RBM27: variants seen among roughly 807,000 people sequenced by gnomAD.
RBM27 encodes the protein RNA-binding protein 27.
Under a neutral mutation model 135.3 loss-of-function variants are expected in RBM27, and 22 were observed. The ratio of observed to expected loss-of-function variants is 0.16; its 90% CI spans 0.12 to 0.23. The LOEUF (loss-of-function observed/expected upper bound fraction) is 0.23. RBM27 is among the 10% of genes least tolerant of loss of function. The pLI is 1.00. For synonymous variants in RBM27, 481 were observed against 442.4 expected (o/e 1.09, Z -1.10); for missense variants, 1,009 against 1,281.0 (o/e 0.79, Z 3.24).
chr5:146,208,160 T>C (rs1755782935), intron 1 of RBM27, among the ~76,000 whole-genome samples: 1 of 151,864 alleles, frequency 6.6e-6, no homozygotes, highest in Non-Finnish European at 1.5e-5. Flanking sequence ...TTTCACCACG[T>C]TGGTCAGGCT....
intron 8 of RBM27, among the ~76,000 whole-genome samples, chr5:146,238,439 C>T (rs550621696): frequency 6.6e-6 from 1 of 152,188 alleles, no homozygotes; most frequent in East Asian, 1.9e-4. Flanking sequence ...ACCTGGGAGG[C>T]GGAGGTTGCA....
chr5:146,267,174 T>C (rs956137488), intron 14 of RBM27, among the ~76,000 whole-genome samples: 2 of 152,198 alleles, frequency 1.3e-5, no homozygotes, highest in African/African-American at 4.8e-5. Context: ...AGTTAGATGA[T>C]TTAGAAGGAT....
intron 17 of RBM27, among the ~76,000 whole-genome samples, chr5:146,270,609 T>C (rs2939524): frequency 0.99 from 150,956 of 152,288 alleles, 74,837 homozygotes; most frequent in East Asian, 1. Flanking sequence ...TTACTTTGTA[T>C]TATAAATACA....
At chr5:146,274,289 A>G (rs1343205160) in intron 19 of RBM27, among the ~76,000 whole-genome samples, 2 of 138,930 alleles carry the variant, frequency 1.4e-5, no homozygotes, top group East Asian at 2.1e-4. Flanking sequence ...GACAGTCTCC[A>G]TCTGTCACCC....
At chr5:146,256,775 A>G (rs145322675) in intron 10 of RBM27, among the ~76,000 whole-genome samples, 11 of 152,328 alleles carry the variant, frequency 7.2e-5, no homozygotes, top group Non-Finnish European at 1.3e-4. Context: ...TGGCAGAACT[A>G]GAATTCAGAG....
rs1178583149 is a variant in RBM27 at position 146,267,765 on chromosome 5, A to C, written c.2448A>C (p.Lys816Asn). 3.1e-6 allele frequency: 5 copies of C among 1,601,652 alleles called. No homozygotes were observed. The highest frequency in any genetic ancestry group is 4.2e-6 in the Non-Finnish European group (5 of 1,176,618). ...SHDVQEVLKK[K>N]QEAMKLQQDM... ...ATGTTCAAGAAGTGCTTAAAAAAAA[A>C]CAGGTAACAGTCTTGATTCTTCTTG... The change falls in exon 15 of 21, where the codon AAA becomes AAC. Residue 816 changes from lysine to asparagine, a missense_variant. Physicochemically the swap from Lys to Asn is moderately conservative, Grantham distance 94. Around this residue, in one of 6 missense-constraint regions of RBM27, gnomAD observed 355 missense variants for 427.3 expected, o/e 0.83. Transcript: ENST00000265271.
In RBM27 at chr5:146,289,208, A is replaced by T. The variant is rs1349149359; in HGVS notation, c.*3178A>T. 4 of 152,142 alleles carry T rather than the reference A, an allele frequency of 2.6e-5. No individual in the cohort carries two copies. Among genetic ancestry groups the T allele is most frequent in the African/African-American group, 4.8e-5 (2 of 41,458 alleles). 9.4% of individuals were successfully genotyped at this position (152,142 alleles called of 1,614,324 possible). On this transcript the variant is annotated 3_prime_UTR_variant, in exon 21 of 21. Transcript: ENST00000265271. ...AAATTTATGAACCATTCCAAAAATT[A>T]TAACAATCACCAAAAGAGCTGTAAT...
chr5:146,239,624 T>A (rs889239523), intron 8 of RBM27, among the ~76,000 whole-genome samples: 2 of 151,642 alleles, frequency 1.3e-5, no homozygotes, highest in Non-Finnish European at 2.9e-5. Flanking sequence ...ATTACAGGCA[T>A]GTATCACTAT....
intron 18 of RBM27, 62 bp from the exon 19 acceptor site, chr5:146,271,421 C>T (rs1247569800): frequency 8.3e-6 from 11 of 1,321,948 alleles, no homozygotes; most frequent in African/African-American, 6.0e-5. Context: ...AAAAAGTTTT[C>T]CTTTGTTTTT....
intron 8 of RBM27, among the ~76,000 whole-genome samples, chr5:146,249,856 G>C (rs994553217): frequency 5.9e-5 from 9 of 151,984 alleles, no homozygotes; most frequent in Admixed American, 5.9e-4. Flanking sequence ...TTTTTACGTA[G>C]GTAAATGTGT....
At chr5:146,252,348 C>A (rs543288748) in intron 9 of RBM27, among the ~76,000 whole-genome samples, 1 of 152,082 alleles carries the variant, frequency 6.6e-6, no homozygotes, top group Admixed American at 6.5e-5. Context: ...TATTGACATA[C>A]GTATTTTGAA....
At chr5:146,210,827 G>T (rs1268003954) in intron 1 of RBM27, among the ~76,000 whole-genome samples, 1 of 151,934 alleles carries the variant, frequency 6.6e-6, no homozygotes, top group Admixed American at 6.6e-5. Flanking sequence ...GGCGCCTGTA[G>T]TCCCAGCTAC....
In RBM27 at chr5:146,287,673, T is replaced by C. The variant is rs1759638194; in HGVS notation, c.*1643T>C. ...AGTTAAATCCCACGTTCTGATAATC[T>C]TTATTCTTCTACATGTTTTCCTGGA... On this transcript the variant is annotated 3_prime_UTR_variant, in exon 21 of 21. Transcript: ENST00000265271. 6.6e-6 allele frequency: 1 copy of C among 152,188 alleles called. No homozygotes were observed. The highest frequency in any genetic ancestry group is 2.4e-5 in the African/African-American group (1 of 41,464). 9.4% of individuals were successfully genotyped at this position (152,188 alleles called of 1,614,324 possible).
intron 1 of RBM27, among the ~76,000 whole-genome samples, chr5:146,215,522 T>C (rs185406773): frequency 1.3e-5 from 2 of 152,334 alleles, no homozygotes; most frequent in Admixed American, 6.5e-5. Context: ...TCTTCCATTC[T>C]TATTTATTTT....
At chr5:146,276,344 T>A (rs919132268) in intron 19 of RBM27, among the ~76,000 whole-genome samples, 1 of 152,232 alleles carries the variant, frequency 6.6e-6, no homozygotes, top group Non-Finnish European at 1.5e-5. Flanking sequence ...CCTTTGAGTC[T>A]TGAGAAAGTA....
chr5:146,263,246 T>A (rs570630269), intron 13 of RBM27, among the ~76,000 whole-genome samples: 1 of 152,274 alleles, frequency 6.6e-6, no homozygotes, highest in East Asian at 1.9e-4. Context: ...TAATTAATGG[T>A]TTTTTTGTGT....
chr5:146,222,458 C>A (rs977385872), intron 2 of RBM27, among the ~76,000 whole-genome samples: 1 of 151,900 alleles, frequency 6.6e-6, no homozygotes, highest in Non-Finnish European at 1.5e-5. Flanking sequence ...CCGAGGCAGG[C>A]AGATCACCTG....
chr5:146,248,097 C>T (rs1312933176), intron 8 of RBM27, among the ~76,000 whole-genome samples: 2 of 151,656 alleles, frequency 1.3e-5, no homozygotes, highest in African/African-American at 4.8e-5. Context: ...AAAGGGAACT[C>T]CTGTTTTTTT....
chr5:146,222,741 A>G (rs776913512), intron 2 of RBM27, among the ~76,000 whole-genome samples: 12 of 152,228 alleles, frequency 7.9e-5, no homozygotes, highest in African/African-American at 1.7e-4. Flanking sequence ...CTTTTACTAA[A>G]TTCATCTGGT....
Sources: allele counts gnomAD v4.1 joint callset (sites outside exome capture counted in the v4.1 genomes callset), GRCh38; gene constraint gnomAD v4.1.1; regional missense constraint gnomAD v4.1.1; transcripts MANE v1.5; gene names NCBI Gene and HGNC (gene_info 2026-07-23, HGNC 2026-07-21).